Variants in TEC observed in about 807,000 individuals in gnomAD.
TEC encodes the protein tec protein tyrosine kinase.
TEC carries 72 observed loss-of-function variants against 93.0 expected under a neutral mutation model. The observed-to-expected ratio is 0.77, with a 90% CI of 0.64 to 0.94. The LOEUF (loss-of-function observed/expected upper bound fraction) is 0.94. Ranked by LOEUF, TEC falls within the 40% of genes least tolerant of loss-of-function variation. The probability of loss-of-function intolerance (pLI) is 0.00; values close to 1 mark genes in which losing one functional copy is unlikely to be tolerated. For synonymous variants in TEC, 249 were observed against 247.7 expected (o/e 1.01, Z -0.05); for missense variants, 630 against 757.9 (o/e 0.83, Z 1.98).
chr4:48,168,753 C>G, intron 5 of TEC, 127 bp from the exon 6 acceptor site: 1 of 843,888 alleles, frequency 1.2e-6, no homozygotes, highest in Non-Finnish European at 1.9e-6. Context: ...CTGACCAACT[C>G]TGGTGTATGC....
At chr4:48,172,736 C>T (rs1049850766) in intron 3 of TEC, among the ~76,000 whole-genome samples, 6 of 152,120 alleles carry the variant, frequency 3.9e-5, no homozygotes, top group African/African-American at 7.2e-5. Context: ...TATAGAAATA[C>T]CTTATTACAA....
intron 1 of TEC, among the ~76,000 whole-genome samples, chr4:48,261,576 G>A (rs1368324522): frequency 6.6e-6 from 1 of 152,116 alleles, no homozygotes; most frequent in East Asian, 1.9e-4. Flanking sequence ...AGTAACAAAA[G>A]ATATCATTGG....
chr4:48,216,981 C>G (rs866380554), intron 2 of TEC, among the ~76,000 whole-genome samples: 3 of 152,176 alleles, frequency 2.0e-5, no homozygotes, highest in African/African-American at 4.8e-5. Context: ...TTAAACTCCT[C>G]TCTTCATTTA....
chr4:48,211,626 C>G (rs1326605260), intron 2 of TEC, among the ~76,000 whole-genome samples: 1 of 152,160 alleles, frequency 6.6e-6, no homozygotes, highest in East Asian at 1.9e-4. Flanking sequence ...TCAACTGTGA[C>G]AGTTTCTCTG....
chr4:48,138,474 AG>A (rs1719520332), intron 17 of TEC, among the ~76,000 whole-genome samples, 190 bp downstream of exon 17: 1 of 152,232 alleles, frequency 6.6e-6, no homozygotes, highest in South Asian at 2.1e-4. Flanking sequence ...GGTAGTTATT[AG>A]CATTTTCCAC....
chr4:48,204,290 G>C (rs1264775791), intron 2 of TEC, among the ~76,000 whole-genome samples: 1 of 152,274 alleles, frequency 6.6e-6, no homozygotes, highest in African/African-American at 2.4e-5. Context: ...TAGGCAGAGG[G>C]GCCTAAGTGA....
intron 2 of TEC, among the ~76,000 whole-genome samples, chr4:48,177,836 T>C (rs1424206719): frequency 6.6e-6 from 1 of 152,132 alleles, no homozygotes; most frequent in Non-Finnish European, 1.5e-5. Flanking sequence ...CTGATGGTTT[T>C]ATAAGGGGCT....
chr4:48,235,549 A>G (rs1191890387), intron 1 of TEC, among the ~76,000 whole-genome samples: 2 of 152,168 alleles, frequency 1.3e-5, no homozygotes, highest in African/African-American at 2.4e-5. Context: ...CAAACTACAA[A>G]CTATGAAATA....
At chr4:48,179,393 T>TC (rs1721495295) in intron 2 of TEC, among the ~76,000 whole-genome samples, 1 of 123,456 alleles carries the variant, frequency 8.1e-6, no homozygotes, top group African/African-American at 3.1e-5. Flanking sequence ...TTTTTTTTTT[T>TC]TTTTTTTCAA....
chr4:48,214,496 GA>G (rs762564308), intron 2 of TEC, among the ~76,000 whole-genome samples: 3 of 152,160 alleles, frequency 2.0e-5, no homozygotes, highest in Non-Finnish European at 2.9e-5. Context: ...ATATTCAGTA[GA>G]AACCATACTT....
At chr4:48,232,125 T>C (rs1577660423) in intron 1 of TEC, among the ~76,000 whole-genome samples, 1 of 151,370 alleles carries the variant, frequency 6.6e-6, no homozygotes, top group African/African-American at 2.4e-5. Flanking sequence ...TCCATCTCTA[T>C]TAAAAATACA....
rs750501585 is a variant in TEC at position 48,176,190 on chromosome 4, T to C, written c.139-4A>G. 2.1e-5 allele frequency: 34 copies of C among 1,594,748 alleles called. 1 individual carries two copies. In the Admixed American group the frequency reaches 5.0e-4, roughly 24 times the overall value. On this transcript the variant is annotated splice_polypyrimidine_tract_variant and splice_region_variant and intron_variant, in intron 2 of 17. Coordinates refer to ENST00000381501, the MANE Select transcript of TEC (RefSeq NM_003215.3). Reference sequence around the variant, plus strand: ...TAAACCCCTTTCTGTATTTCTTCTGTTAAAAGAAAAAAAGGAGAAACATTA... The same window carrying C: ...TAAACCCCTTTCTGTATTTCTTCTGCTAAAAGAAAAAAAGGAGAAACATTA...
chr4:48,247,435 T>C (rs1413684727), intron 1 of TEC, among the ~76,000 whole-genome samples: 1 of 152,194 alleles, frequency 6.6e-6, no homozygotes, highest in Non-Finnish European at 1.5e-5. Context: ...AACTTGTATG[T>C]GAATGCTCAT....
At chr4:48,139,551 G>A (rs548042013) in intron 15 of TEC, among the ~76,000 whole-genome samples, 1 of 152,238 alleles carries the variant, frequency 6.6e-6, no homozygotes, top group African/African-American at 2.4e-5. Context: ...TGTAAATGGT[G>A]GAGTATGTAT....
intron 4 of TEC, 109 bp downstream of exon 4, chr4:48,171,259 A>G: frequency 1.2e-6 from 1 of 825,528 alleles, no homozygotes; most frequent in Non-Finnish European, 1.9e-6. Flanking sequence ...CTTACTGTAG[A>G]TTAAGAGATT....
chr4:48,210,166 C>T (rs1321951521), intron 2 of TEC, among the ~76,000 whole-genome samples: 1 of 152,120 alleles, frequency 6.6e-6, no homozygotes, highest in Non-Finnish European at 1.5e-5. Flanking sequence ...AACTCCATAG[C>T]AGACCCACCT....
chr4:48,138,055 T>C (rs1225619329), intron 17 of TEC, among the ~76,000 whole-genome samples: 1 of 152,202 alleles, frequency 6.6e-6, no homozygotes, highest in Non-Finnish European at 1.5e-5. Flanking sequence ...TATACTGTTC[T>C]GTAGCTAAGT....
intron 2 of TEC, among the ~76,000 whole-genome samples, chr4:48,219,456 A>G (rs749130113): frequency 5.9e-5 from 9 of 152,132 alleles, no homozygotes; most frequent in Admixed American, 1.3e-4. Flanking sequence ...CTGTGCTTCA[A>G]TGGTCACGCT....
chr4:48,269,706 G>A (rs1268169728), intron 1 of TEC, 46 bp downstream of exon 1: 2 of 152,288 alleles, frequency 1.3e-5, no homozygotes, highest in Non-Finnish European at 2.9e-5. Flanking sequence ...CTCGCCCGGA[G>A]TATCGCACTC....
Sources: gnomAD v4.1 joint callset for allele counts (sites outside exome capture counted in the v4.1 genomes callset) on GRCh38, gnomAD v4.1.1 for gene constraint, MANE v1.5 for transcripts, NCBI Gene and HGNC (gene_info 2026-07-23, HGNC 2026-07-21) for gene names.